The following PLB1 variants were observed in gnomAD, a reference collection of about 807,000 sequenced individuals.
PLB1 encodes the protein phospholipase B1, membrane-associated.
In PLB1, 242 loss-of-function variants were observed where a neutral mutation model predicts 227.4. The observed-to-expected ratio is 1.06, with a 90% confidence interval of 0.96 to 1.18. The LOEUF (loss-of-function observed/expected upper bound fraction) is 1.18. Ranked by LOEUF, PLB1 falls within the 50% of genes most tolerant of loss-of-function variation. The pLI is 0.00. For missense variants in PLB1, 1,858 were observed against 1,816.3 expected (o/e 1.02, Z -0.42); for synonymous variants, 757 against 682.2 (o/e 1.11, Z -1.71).
At chr2:28,519,203 C>T (rs1017061691) in intron 3 of PLB1, among the ~76,000 whole-genome samples, 2 of 108,972 alleles carry the variant, frequency 1.8e-5, no homozygotes, top group African/African-American at 5.9e-5. Context: ...AGGAGATTTC[C>T]ACTTCCTTGT....
At chr2:28,547,871 T>C (rs11127166) in intron 14 of PLB1, among the ~76,000 whole-genome samples, 96,115 of 152,044 alleles carry the variant, frequency 0.63, 31,193 homozygotes, top group Non-Finnish European at 0.71. Flanking sequence ...AAATCCCTCC[T>C]TCCCTCTAAT....
At chr2:28,537,406 A>C (rs1277273311) in intron 9 of PLB1, among the ~76,000 whole-genome samples, 2 of 152,142 alleles carry the variant, frequency 1.3e-5, no homozygotes, top group Non-Finnish European at 2.9e-5. Flanking sequence ...GAAAAGGTAA[A>C]GCAGGCATGA....
chr2:28,556,184 C>G (rs1453438504), intron 17 of PLB1, among the ~76,000 whole-genome samples: 1 of 152,172 alleles, frequency 6.6e-6, no homozygotes, highest in Non-Finnish European at 1.5e-5. Flanking sequence ...CAAAAACCTT[C>G]TTTATAGTCT....
chr2:28,533,896 G>GT (rs1172968933), intron 9 of PLB1, among the ~76,000 whole-genome samples: 1 of 152,024 alleles, frequency 6.6e-6, no homozygotes, highest in African/African-American at 2.4e-5. Flanking sequence ...TGTATTTTTA[G>GT]TTATGCAAGC....
At chr2:28,596,601 T>C (rs1329029292) in intron 33 of PLB1, among the ~76,000 whole-genome samples, 1 of 152,230 alleles carries the variant, frequency 6.6e-6, no homozygotes, top group Non-Finnish European at 1.5e-5. Context: ...TCTTTTCAAA[T>C]GTAAAATATT....
chr2:28,612,788 T>C (rs1685652423), intron 43 of PLB1, among the ~76,000 whole-genome samples: 1 of 124,052 alleles, frequency 8.1e-6, no homozygotes, highest in Non-Finnish European at 1.7e-5. Flanking sequence ...TTTTTTTTTT[T>C]GTATTTTTAG....
rs759020173 is a variant in PLB1, at chr2:28,590,040, GT to G, written c.2055del (p.Phe685LeufsTer17). Reference protein sequence around the residue: ...PVGQKTTRHKFENKINITCPN... With the variant: ...PVGQKTTRHKXENKINITCPN... ...TTGGCCAGAAGACGACTCGTCATAA[GT>G]TTGAAAACAAGATCAATATCACATG... On this transcript the variant is annotated frameshift_variant, in exon 29 of 58. Coordinates refer to ENST00000327757, the MANE Select transcript of PLB1 (RefSeq NM_153021.5). LOFTEE classifies it high-confidence loss of function. The G allele has an allele frequency of 6.2e-7, 1 of 1,613,856 alleles. No individual in the cohort carries two copies. Among genetic ancestry groups the G allele is most frequent in the South Asian group, 1.1e-5 (1 of 91,070 alleles).
intron 31 of PLB1, 100 bp downstream of exon 31, chr2:28,591,860 G>C: frequency 8.5e-7 from 1 of 1,173,480 alleles, no homozygotes; most frequent in Non-Finnish European, 1.2e-6. Context: ...AAATGGCACA[G>C]TGACGGCCAG....
At chr2:28,622,178 C>CATAG (rs1157257053) in intron 49 of PLB1, among the ~76,000 whole-genome samples, 1 of 152,170 alleles carries the variant, frequency 6.6e-6, no homozygotes, top group Non-Finnish European at 1.5e-5. Context: ...TGTTTATTAG[C>CATAG]ATAGATACAG....
intron 48 of PLB1, 96 bp from the exon 49 acceptor site, chr2:28,620,783 C>A: frequency 1.4e-6 from 2 of 1,468,108 alleles, no homozygotes; most frequent in Non-Finnish European, 1.9e-6. Flanking sequence ...ACTCCTGTGT[C>A]CCACCCATGT....
At position 28,543,145 on chromosome 2, in the gene PLB1, G is replaced by A. The variant is rs1004572524; in HGVS notation, c.880-67G>A. ...ACTCTATGCCAGAGAGAGCTTCAAAGTGTGTAGCAGGTCCGTTGCATTCCT... is the reference window on the plus strand; with the variant it reads ...ACTCTATGCCAGAGAGAGCTTCAAAATGTGTAGCAGGTCCGTTGCATTCCT... On this transcript the variant is annotated intron_variant, in intron 13 of 57. Coordinates refer to ENST00000327757, the MANE Select transcript of PLB1 (RefSeq NM_153021.5). 6.6e-6 allele frequency: 10 copies of A among 1,505,550 alleles called. No individual in the cohort carries two copies. In the Admixed American group the frequency reaches 1.2e-4, roughly 18 times the overall value. 93.3% of individuals were successfully genotyped at this position (1,505,550 alleles called of 1,614,324 possible). A position where few individuals can be genotyped will look rare whatever the true frequency, so the allele number is the denominator to read the frequency against.
rs151081327 is a variant in PLB1 at position 28,561,032 on chromosome 2, G to C, written c.1148-2009G>C. 3.0e-3 allele frequency among the ~76,000 whole-genome samples: 457 copies of C among 152,212 alleles called. 2 individuals are homozygous for C. The highest frequency in any genetic ancestry group is 0.015 in the East Asian group (80 of 5,172). On this transcript the variant is annotated intron_variant, in intron 17 of 57. Coordinates refer to ENST00000327757, the MANE Select transcript of PLB1 (RefSeq NM_153021.5). ...TATTCCTGAGGCTTAATTCAAATGCGACCTTCTCCATGAAGCCTGCTGTGA... is the reference window on the plus strand; with the variant it reads ...TATTCCTGAGGCTTAATTCAAATGCCACCTTCTCCATGAAGCCTGCTGTGA...
chr2:28,590,661 C>G (rs1681748187), intron 29 of PLB1, among the ~76,000 whole-genome samples: 2 of 152,120 alleles, frequency 1.3e-5, no homozygotes, highest in South Asian at 4.1e-4. Flanking sequence ...CCCAGGCTGA[C>G]ACTGGAAACC....
intron 19 of PLB1, among the ~76,000 whole-genome samples, chr2:28,565,732 C>T (rs1319789551): frequency 6.6e-6 from 1 of 152,166 alleles, no homozygotes; most frequent in African/African-American, 2.4e-5. Context: ...TTGGATGTAA[C>T]CTTGGGCAAG....
intron 14 of PLB1, among the ~76,000 whole-genome samples, chr2:28,546,326 T>G (rs529390056): frequency 1.8e-5 from 2 of 108,292 alleles, no homozygotes; most frequent in East Asian, 5.4e-4. Context: ...TGACCCCACC[T>G]TATGCCGAGT....
chr2:28,574,596 C>G (rs1011373406), intron 21 of PLB1, among the ~76,000 whole-genome samples: 1 of 147,420 alleles, frequency 6.8e-6, no homozygotes, highest in Non-Finnish European at 1.5e-5. Context: ...AGGGTTTCAC[C>G]ATGTTGGCCA....
At chr2:28,588,481 C>G (rs1361294833) in intron 26 of PLB1, among the ~76,000 whole-genome samples, 1 of 152,190 alleles carries the variant, frequency 6.6e-6, no homozygotes, top group Non-Finnish European at 1.5e-5. Flanking sequence ...GGAATTGACC[C>G]TGGGAAAAGA....
In PLB1 at chr2:28,620,804, C is replaced by T. The variant is rs987858616; in HGVS notation, c.3428-75C>T. On this transcript the variant is annotated intron_variant, in intron 48 of 57. Transcript: ENST00000327757. ...GTGTCCCACCCATGTCCCCACCCTG[C>T]ATGCTCATCTCAGTTACTGTGAGGG... The T allele has an allele frequency of 4.1e-6, 6 of 1,468,858 alleles. No individual in the cohort carries two copies. The East Asian group carries it at 1.4e-4, about 33-fold the overall frequency. 91.0% of individuals were successfully genotyped at this position (1,468,858 alleles called of 1,614,324 possible).
intron 1 of PLB1, among the ~76,000 whole-genome samples, chr2:28,500,721 G>A (rs113421832): frequency 1.3e-5 from 2 of 151,932 alleles, no homozygotes; most frequent in African/African-American, 4.8e-5. Flanking sequence ...AGACCAGCTC[G>A]GGCAATATAG....
Sources: gnomAD v4.1 joint callset for allele counts (sites outside exome capture counted in the v4.1 genomes callset) on GRCh38, gnomAD v4.1.1 for gene constraint, MANE v1.5 for transcripts, NCBI Gene and HGNC (gene_info 2026-07-23, HGNC 2026-07-21) for gene names.